BNC2: variants seen among roughly 807,000 people sequenced by gnomAD.
BNC2 encodes the protein basonuclin zinc finger protein 2, also known as zinc finger protein basonuclin-2.
BNC2 carries 20 observed loss-of-function variants against 76.3 expected under a neutral mutation model. The observed-to-expected ratio is 0.26, with a 90% CI of 0.18 to 0.38. The LOEUF (loss-of-function observed/expected upper bound fraction) is 0.38. Among genes scored for constraint, BNC2 ranks in the 10% least tolerant of loss-of-function variants. The pLI, the probability that BNC2 is intolerant of heterozygous loss-of-function variation, is 1.00. For missense variants in BNC2, 1,382 were observed against 1,399.8 expected, an observed-to-expected ratio of 0.99 and a Z score of 0.20; for synonymous variants, 582 against 514.8, an observed-to-expected ratio of 1.13 and a Z score of -1.77.
intron 3 of BNC2, among the ~76,000 whole-genome samples, chr9:16,678,261 C>CTTTCTCTTTTTTTTTTT (rs1473647913): frequency 5.3e-5 from 4 of 75,886 alleles, no homozygotes; most frequent in Admixed American, 2.7e-4. Context: ...TGTTTTCTTT[C>CTTTCTCTTTTTTTTTTT]TTTTTCTTTT....
intron 4 of BNC2, chr9:16,575,500 T>G (rs558732354): frequency 1.1e-6 from 1 of 933,036 alleles, no homozygotes; most frequent in East Asian, 1.2e-4. Flanking sequence ...AAAGAAAATT[T>G]AAGGAGTGCA....
intron 3 of BNC2, among the ~76,000 whole-genome samples, chr9:16,688,093 G>C (rs964509517): frequency 2.6e-5 from 4 of 152,164 alleles, no homozygotes; most frequent in African/African-American, 9.7e-5. Flanking sequence ...TGAGGGATAA[G>C]AGATTCAAAT....
At chr9:16,491,460 T>A (rs1822278515) in intron 5 of BNC2, among the ~76,000 whole-genome samples, 1 of 152,154 alleles carries the variant, frequency 6.6e-6, no homozygotes, top group Non-Finnish European at 1.5e-5. Context: ...AAAATAATTT[T>A]AAAAAACACA....
chr9:16,415,928 C>T lies in BNC2; in HGVS notation c.*3061G>A, dbSNP rs1321541108. 6.6e-6 allele frequency: 1 copy of T among 152,194 alleles called. No individual in the cohort carries two copies. The highest frequency in any genetic ancestry group is 1.9e-4 in the East Asian group (1 of 5,188). 9.4% of individuals were successfully genotyped at this position (152,194 alleles called of 1,614,324 possible). On this transcript the variant is annotated 3_prime_UTR_variant, in exon 7 of 7. Coordinates refer to ENST00000380672, the MANE Select transcript of BNC2 (RefSeq NM_017637.6). ...GTCAGCTGTCCAGGACTTATTGCCA[C>T]TTCTCTGACAAAACACAGGTGAACA...
intron 3 of BNC2, among the ~76,000 whole-genome samples, chr9:16,589,146 A>G (rs566840557): frequency 1.3e-5 from 2 of 152,270 alleles, no homozygotes; most frequent in East Asian, 3.9e-4. Flanking sequence ...TCATGGGTTC[A>G]TTAACCTTCA....
chr9:16,765,979 G>T (rs913575809), intron 1 of BNC2, among the ~76,000 whole-genome samples: 15 of 151,870 alleles, frequency 9.9e-5, no homozygotes, highest in African/African-American at 3.6e-4. Context: ...AGTAGAGACG[G>T]GATTTCACCG....
Position 16,425,348 on chromosome 9 carries a change from CT to C in BNC2, c.2640-5700del, listed in dbSNP as rs199810351. Among the ~76,000 whole-genome samples the C allele has an allele frequency of 7.7e-3, 1,173 of 151,814 alleles. 18 individuals are homozygous for C. The highest frequency in any genetic ancestry group is 0.027 in the African/African-American group (1,105 of 41,400). ...GGGTCGACCATTTATCAGAATTAGA[CT>C]TCTTTTCTCAATTCACAGTGAATTA... is the stretch of plus-strand genomic sequence containing the variant. On this transcript the variant is annotated intron_variant, in intron 6 of 6. Transcript: ENST00000380672.
At chr9:16,700,193 C>T (rs1485128070) in intron 3 of BNC2, among the ~76,000 whole-genome samples, 1 of 152,184 alleles carries the variant, frequency 6.6e-6, no homozygotes, top group Non-Finnish European at 1.5e-5. Context: ...TTTTCAGACT[C>T]GTTCCATAGT....
chr9:16,531,410 C>CA (rs1319778570), intron 5 of BNC2, among the ~76,000 whole-genome samples: 2 of 149,808 alleles, frequency 1.3e-5, no homozygotes, highest in Non-Finnish European at 3.0e-5. Flanking sequence ...AAAAAAAAAA[C>CA]AAAAAACCAA....
At chr9:16,866,454 T>C (rs745497310) in intron 1 of BNC2, among the ~76,000 whole-genome samples, 6 of 152,018 alleles carry the variant, frequency 3.9e-5, no homozygotes, top group African/African-American at 9.7e-5. Context: ...CTACTTTTAA[T>C]AGAACTCTGA....
At chr9:16,638,831 T>A (rs757659693) in intron 3 of BNC2, among the ~76,000 whole-genome samples, 1 of 152,204 alleles carries the variant, frequency 6.6e-6, no homozygotes, top group Non-Finnish European at 1.5e-5. Context: ...TAAACGCACA[T>A]AAATTGCCTC....
chr9:16,827,417 T>C (rs1818478491), intron 1 of BNC2, among the ~76,000 whole-genome samples: 1 of 152,178 alleles, frequency 6.6e-6, no homozygotes, highest in Non-Finnish European at 1.5e-5. Context: ...GGAATTTGAC[T>C]GAGAGTGGAG....
At chr9:16,732,162 A>AG (rs1554718908) in intron 2 of BNC2, among the ~76,000 whole-genome samples, 1 of 123,588 alleles carries the variant, frequency 8.1e-6, no homozygotes, top group African/African-American at 2.9e-5. Context: ...TCCTGCAAAA[A>AG]AAAAAGAAAA....
chr9:16,573,685 GCAGCTGAACGAA>G lies in BNC2; in HGVS notation c.433+9286_433+9297del, dbSNP rs1007036187. Among the ~76,000 whole-genome samples, 64 of 152,154 alleles carry G rather than the reference GCAGCTGAACGAA, an allele frequency of 4.2e-4. 1 individual carries two copies. The highest frequency in any genetic ancestry group is 2.6e-4 in the Admixed American group (4 of 15,272). On this transcript the variant is annotated intron_variant, in intron 4 of 6. Coordinates refer to ENST00000380672, the MANE Select transcript of BNC2 (RefSeq NM_017637.6). The stretch of plus-strand genomic sequence containing the variant: ...TGGGGATCTCCCTGGGTACCAGGGA[GCAGCTGAACGAA>G]GAGAGGAATCTCACTACTGGGCCTT...
chr9:16,665,041 C>G (rs1276080663), intron 3 of BNC2: 2 of 456,096 alleles, frequency 4.4e-6, no homozygotes, highest in East Asian at 1.4e-4. Context: ...AGACCTGTAA[C>G]TTCTTTATAA....
intron 1 of BNC2, among the ~76,000 whole-genome samples, chr9:16,784,882 A>G (rs183519452): frequency 2.6e-5 from 4 of 152,330 alleles, no homozygotes; most frequent in Admixed American, 2.6e-4. Context: ...AAGGCAATGC[A>G]AACTAAAACA....
intron 5 of BNC2, among the ~76,000 whole-genome samples, chr9:16,539,118 T>C (rs1818222415): frequency 6.6e-6 from 1 of 152,220 alleles, no homozygotes; most frequent in Non-Finnish European, 1.5e-5. Flanking sequence ...GCATGTTGTC[T>C]GTCTGTTTAC....
chr9:16,461,960 A>C (rs781232151), intron 5 of BNC2, among the ~76,000 whole-genome samples: 4 of 152,226 alleles, frequency 2.6e-5, no homozygotes, highest in Non-Finnish European at 2.9e-5. Context: ...CTTCCTAACA[A>C]ATAATTTCTT....
chr9:16,520,982 T>C (rs1045011527), intron 5 of BNC2, among the ~76,000 whole-genome samples: 42 of 152,168 alleles, frequency 2.8e-4, no homozygotes, highest in African/African-American at 9.9e-4. Context: ...TACTCCAGCT[T>C]CTCATCAATT....
Sources: gnomAD v4.1 joint callset for allele counts (sites outside exome capture counted in the v4.1 genomes callset) on GRCh38, gnomAD v4.1.1 for gene constraint, MANE v1.5 for transcripts, NCBI Gene and HGNC (gene_info 2026-07-23, HGNC 2026-07-21) for gene names.